MICU3: variants seen among roughly 807,000 people sequenced by gnomAD.
The protein encoded by MICU3 is calcium uptake protein 3, mitochondrial.
MICU3 carries 62 observed loss-of-function variants against 66.5 expected under a neutral mutation model. That is an observed-to-expected ratio of 0.93 (90% confidence interval 0.76 to 1.15). The LOEUF (loss-of-function observed/expected upper bound fraction) is 1.15. MICU3 is among the 50% of genes most tolerant of loss of function. MICU3 has a pLI of 0.00. For missense variants in MICU3, 779 were observed against 664.4 expected, an observed-to-expected ratio of 1.17 and a Z score of -1.90; for synonymous variants, 308 against 240.7, an observed-to-expected ratio of 1.28 and a Z score of -2.59.
At chr8:17,087,335 G>A (rs1799579789) in intron 7 of MICU3, among the ~76,000 whole-genome samples, 1 of 151,984 alleles carries the variant, frequency 6.6e-6, no homozygotes, top group African/African-American at 2.4e-5. Flanking sequence ...CATTATGCAT[G>A]TAAAAATTTA....
downstream of MICU3, among the ~76,000 whole-genome samples, chr8:17,126,469 C>T (rs1803407620): frequency 6.6e-6 from 1 of 152,100 alleles, no homozygotes; most frequent in Non-Finnish European, 1.5e-5. Flanking sequence ...TCCAAAACAA[C>T]ATATTTAACT....
intron 2 of MICU3, among the ~76,000 whole-genome samples, chr8:17,064,747 CAT>C (rs1178838895): frequency 6.6e-6 from 1 of 152,132 alleles, no homozygotes; most frequent in African/African-American, 2.4e-5. Context: ...GCTGTATTCT[CAT>C]GTGTGCTTTT....
At position 17,098,509 on chromosome 8, in the gene MICU3, C is replaced by G. The variant is rs756364772; in HGVS notation, c.940C>G (p.Leu314Val). 1.2e-6 allele frequency: 2 copies of G among 1,611,790 alleles called. No homozygotes were observed. The highest frequency in any genetic ancestry group is 2.2e-5 in the South Asian group (2 of 91,024). The change falls in exon 9 of 15, where the codon CTG (leucine) becomes GTG (valine). Residue 314 changes from leucine (L) to valine (V), a missense_variant. Coordinates refer to ENST00000318063, the MANE Select transcript of MICU3 (RefSeq NM_181723.3). The part of the protein sequence containing the change: ...ELVSRSYWDT[L>V]RRNTSQALFS... ...TGTCTCCAGAAGCTATTGGGATACACTGAGACGTAACACAAGCCAAGCACT... is the reference window on the plus strand; with the variant it reads ...TGTCTCCAGAAGCTATTGGGATACAGTGAGACGTAACACAAGCCAAGCACT...
Position 17,027,335 on chromosome 8 carries a change from G to T in MICU3, c.56G>T (p.Cys19Phe). ...WPPPRVSPPL[C>F]AHQPLLGPWG... ...CCACCCCGGGTGTCTCCTCCACTCTGCGCTCACCAGCCCCTCCTTGGGCCG... is the reference window on the plus strand; with the variant it reads ...CCACCCCGGGTGTCTCCTCCACTCTTCGCTCACCAGCCCCTCCTTGGGCCG... The change falls in exon 1 of 15, where the codon TGC (cysteine) becomes TTC (phenylalanine). Residue 19 changes from cysteine to phenylalanine, a missense_variant. By Grantham distance (205) the Cys-to-Phe change is radical. Transcript: ENST00000318063. 6.5e-7 allele frequency: 1 copy of T among 1,528,848 alleles called. No homozygotes were observed. The allele number at this position is 1,528,848 out of a possible 1,614,324, so 94.7% of individuals were successfully genotyped here.
In MICU3 at chr8:17,064,088, C is replaced by T; in HGVS notation, c.386C>T (p.Ala129Val). ...TATTTGCTTTCTTAACTTTAGGTTG[C>T]TATTGGCAGAACAGACATTGAAGAC... ...IPVAAAKETV[A>V]IGRTDIEDLD... The change falls in exon 2 of 15, where the codon GCT becomes GTT. Residue 129 changes from alanine to valine, a missense_variant. By Grantham distance (64) the Ala-to-Val change is moderately conservative (BLOSUM62 0). Coordinates refer to ENST00000318063, the MANE Select transcript of MICU3 (RefSeq NM_181723.3). 1 of 1,607,704 alleles carries T rather than the reference C, an allele frequency of 6.2e-7. No individual in the cohort carries two copies. The highest frequency in any genetic ancestry group is 8.5e-7 in the Non-Finnish European group (1 of 1,176,824).
intron 1 of MICU3, among the ~76,000 whole-genome samples, chr8:17,038,060 C>G (rs915934024): frequency 6.6e-6 from 1 of 152,142 alleles, no homozygotes. Context: ...GCAGAAAGGA[C>G]TTGCCTTGTC....
At chr8:17,034,951 G>T (rs1812722792) in intron 1 of MICU3, among the ~76,000 whole-genome samples, 2 of 152,206 alleles carry the variant, frequency 1.3e-5, no homozygotes, top group Admixed American at 1.3e-4. Flanking sequence ...GTCATACCTT[G>T]AAGTGTAATA....
chr8:17,028,677 G>A (rs62503716), intron 1 of MICU3, among the ~76,000 whole-genome samples: 16,637 of 152,128 alleles, frequency 0.11, 975 homozygotes, highest in South Asian at 0.23. Context: ...ATGCAATTAG[G>A]TTACGGAATC....
At chr8:17,136,872 G>A in the MICU3 span, among the ~76,000 whole-genome samples, 1 of 146,856 alleles carries the variant, frequency 6.8e-6, no homozygotes, top group East Asian at 2.0e-4. Context: ...GTCTCTCTCT[G>A]TTGCCAGGCT....
chr8:17,061,860 A>G (rs1023277581), intron 1 of MICU3, among the ~76,000 whole-genome samples: 1 of 152,170 alleles, frequency 6.6e-6, no homozygotes, highest in Admixed American at 6.5e-5. Context: ...CGTTTTTACC[A>G]GTGAGCTGTT....
intron 4 of MICU3, among the ~76,000 whole-genome samples, chr8:17,079,961 A>G (rs1185347446): frequency 1.3e-5 from 2 of 152,154 alleles, no homozygotes; most frequent in Non-Finnish European, 2.9e-5. Context: ...GAATTAAACC[A>G]TGTAATGCTT....
At chr8:17,046,179 G>T (rs564558508) in intron 1 of MICU3, among the ~76,000 whole-genome samples, 3 of 152,336 alleles carry the variant, frequency 2.0e-5, no homozygotes, top group South Asian at 2.1e-4. Context: ...GCCTGGACTT[G>T]TAAATTTCAC....
intron 11 of MICU3, among the ~76,000 whole-genome samples, chr8:17,110,293 T>C (rs1802079276): frequency 6.6e-6 from 1 of 152,198 alleles, no homozygotes. Context: ...ATTAACCGTT[T>C]TAAACTGAAT....
intron 2 of MICU3, among the ~76,000 whole-genome samples, chr8:17,068,493 A>G (rs999861554): frequency 7.9e-5 from 12 of 152,188 alleles, no homozygotes; most frequent in African/African-American, 2.9e-4. Context: ...AATAATAAAT[A>G]CTATTTGTAT....
chr8:17,099,892 G>A (rs1208678000), intron 9 of MICU3, among the ~76,000 whole-genome samples: 1 of 151,634 alleles, frequency 6.6e-6, no homozygotes, highest in African/African-American at 2.4e-5. Context: ...ATTTAACTCT[G>A]GTAGACATTC....
intron 9 of MICU3, among the ~76,000 whole-genome samples, chr8:17,100,204 T>C (rs1283715989): frequency 1.3e-5 from 2 of 151,092 alleles, no homozygotes; most frequent in Non-Finnish European, 3.0e-5. Flanking sequence ...ACATTACAAA[T>C]CAGCCTTTTT....
chr8:17,040,579 TAC>T (rs1007156685), intron 1 of MICU3, among the ~76,000 whole-genome samples: 1 of 152,214 alleles, frequency 6.6e-6, no homozygotes, highest in Non-Finnish European at 1.5e-5. Flanking sequence ...TTTAGTAACT[TAC>T]AGTTTCATGA....
chr8:17,065,965 T>G (rs1818614727), intron 2 of MICU3, among the ~76,000 whole-genome samples: 1 of 151,962 alleles, frequency 6.6e-6, no homozygotes, highest in Non-Finnish European at 1.5e-5. Context: ...GTAAACTACA[T>G]AAGCAAAAAC....
chr8:17,090,765 A>G, intron 8 of MICU3, 181 bp downstream of exon 8: 1 of 444,338 alleles, frequency 2.3e-6, no homozygotes, highest in Non-Finnish European at 4.0e-6. Context: ...TTATGTGAAG[A>G]CTAAAATATG....
Sources: allele counts gnomAD v4.1 joint callset (sites outside exome capture counted in the v4.1 genomes callset), GRCh38; gene constraint gnomAD v4.1.1; transcripts MANE v1.5; gene names NCBI Gene and HGNC (gene_info 2026-07-23, HGNC 2026-07-21).